Variants in RSPO3 observed in about 807,000 individuals in gnomAD.
RSPO3 encodes the protein R-spondin-3.
RSPO3 carries 17 observed loss-of-function variants against 36.5 expected under a neutral mutation model. The ratio of observed to expected loss-of-function variants is 0.47; its 90% CI spans 0.32 to 0.70. RSPO3 has a LOEUF of 0.70. Among genes scored for constraint, RSPO3 ranks in the 30% least tolerant of loss-of-function variants. The pLI is 0.04. For synonymous variants in RSPO3, 108 were observed against 107.0 expected (o/e 1.01, Z -0.06); for missense variants, 294 against 322.5 (o/e 0.91, Z 0.68).
chr6:127,182,530 A>G (rs190027101), intron 4 of RSPO3, among the ~76,000 whole-genome samples: 1 of 152,030 alleles, frequency 6.6e-6, no homozygotes, highest in East Asian at 1.9e-4. Flanking sequence ...GTTCTTAGAG[A>G]TTGAGTAAGA....
intron 1 of RSPO3, among the ~76,000 whole-genome samples, chr6:127,124,827 T>A (rs1582782982): frequency 6.6e-6 from 1 of 152,066 alleles, no homozygotes; most frequent in African/African-American, 2.4e-5. Context: ...CTGATTAAAG[T>A]AGTCATCCAG....
chr6:127,124,087 T>A (rs966170971), intron 1 of RSPO3, among the ~76,000 whole-genome samples: 2 of 152,108 alleles, frequency 1.3e-5, no homozygotes, highest in African/African-American at 2.4e-5. Context: ...GGCAGAGTAC[T>A]ATGTAGAGTT....
intron 4 of RSPO3, among the ~76,000 whole-genome samples, chr6:127,175,633 CT>C (rs1335302153): frequency 1.3e-5 from 2 of 151,674 alleles, no homozygotes; most frequent in Non-Finnish European, 3.0e-5. Flanking sequence ...AATCCTTTTT[CT>C]CCCTGTCAAC....
chr6:127,133,310 T>C lies in RSPO3; in HGVS notation c.97+14021T>C, dbSNP rs546473688. On this transcript the variant is annotated intron_variant, in intron 1 of 4. Coordinates refer to ENST00000356698, the MANE Select transcript of RSPO3 (RefSeq NM_032784.5). Reference sequence around the variant, plus strand: ...TCCATGGAATATGAAATAGAGACTTTATAAACTTAATTGGAAGATAATCCT... The same window carrying C: ...TCCATGGAATATGAAATAGAGACTTCATAAACTTAATTGGAAGATAATCCT... 5.9e-5 allele frequency among the ~76,000 whole-genome samples: 9 copies of C among 152,246 alleles called. No homozygotes were observed. The East Asian group carries it at 9.6e-4, about 16-fold the overall frequency.
chr6:127,142,769 A>C (rs1433558971), intron 1 of RSPO3, among the ~76,000 whole-genome samples: 1 of 151,770 alleles, frequency 6.6e-6, no homozygotes, highest in Non-Finnish European at 1.5e-5. Flanking sequence ...TAACATTTTT[A>C]TTATTCTTTC....
chr6:127,148,985 C>G, intron 2 of RSPO3, 146 bp downstream of exon 2: 1 of 660,164 alleles, frequency 1.5e-6, no homozygotes, highest in Non-Finnish European at 2.3e-6. Context: ...TTGGACTTAA[C>G]CCTCAGAACC....
At chr6:127,134,984 T>A (rs1283399143) in intron 1 of RSPO3, among the ~76,000 whole-genome samples, 1 of 152,168 alleles carries the variant, frequency 6.6e-6, no homozygotes, top group African/African-American at 2.4e-5. Context: ...AATAGTTATC[T>A]TTGCAACTGA....
At chr6:127,151,805 A>G (rs1774495951) in intron 3 of RSPO3, among the ~76,000 whole-genome samples, 1 of 152,104 alleles carries the variant, frequency 6.6e-6, no homozygotes, top group Admixed American at 6.6e-5. Flanking sequence ...ACTTAGGAAT[A>G]GGGTAAAAAG....
intron 1 of RSPO3, among the ~76,000 whole-genome samples, chr6:127,143,384 T>C (rs1273385179): frequency 1.3e-5 from 2 of 152,150 alleles, no homozygotes; most frequent in African/African-American, 2.4e-5. Flanking sequence ...AGAATTCAGT[T>C]GGTCTCTTCT....
rs188677528 is a variant in RSPO3, at chr6:127,152,920, G to A, written c.437-2321G>A. On this transcript the variant is annotated intron_variant, in intron 3 of 4. Transcript: ENST00000356698. ...GAGAATATATCTCACTTCAAGGACT[G>A]AGTAGCAAGGGACATTCCCTTGCTA... 2.0e-5 allele frequency among the ~76,000 whole-genome samples: 3 copies of A among 152,184 alleles called. No individual in the cohort carries two copies. The East Asian group carries it at 5.8e-4, about 29-fold the overall frequency.
At chr6:127,126,412 T>C (rs1291904503) in intron 1 of RSPO3, among the ~76,000 whole-genome samples, 2 of 152,112 alleles carry the variant, frequency 1.3e-5, no homozygotes, top group Non-Finnish European at 2.9e-5. Context: ...TAAGGTACCT[T>C]GTCTATTTTA....
intron 3 of RSPO3, among the ~76,000 whole-genome samples, chr6:127,152,118 A>G (rs2114586948): frequency 6.6e-6 from 1 of 152,284 alleles, no homozygotes. Flanking sequence ...ATTTGCCTTT[A>G]AAGCTTACTG....
chr6:127,189,375 CATT>C (rs1212505813), intron 4 of RSPO3, among the ~76,000 whole-genome samples: 24 of 151,462 alleles, frequency 1.6e-4, no homozygotes, highest in Non-Finnish European at 2.1e-4. Flanking sequence ...GATCAGTAAA[CATT>C]ATGGTGGGAC....
At position 127,137,827 on chromosome 6, in the gene RSPO3, C is replaced by T. The variant is rs763026908; in HGVS notation, c.98-10821C>T. On this transcript the variant is annotated intron_variant, in intron 1 of 4. Coordinates refer to ENST00000356698, the MANE Select transcript of RSPO3 (RefSeq NM_032784.5). ...ATAATTGCTCCTGCCTTTTAATTTG[C>T]GGCAAAAAGTTTCTAATCTATACAT... Among the ~76,000 whole-genome samples the T allele has an allele frequency of 1.3e-4, 20 of 151,954 alleles. 1 individual carries two copies. Among genetic ancestry groups the T allele is most frequent in the Non-Finnish European group, 2.1e-4 (14 of 68,000 alleles).
chr6:127,178,689 T>C (rs1474083954), intron 4 of RSPO3, among the ~76,000 whole-genome samples: 1 of 151,812 alleles, frequency 6.6e-6, no homozygotes, highest in Non-Finnish European at 1.5e-5. Flanking sequence ...TATATTATAC[T>C]TCAAAAATAT....
chr6:127,141,531 A>G (rs893466770), intron 1 of RSPO3, among the ~76,000 whole-genome samples: 1 of 152,202 alleles, frequency 6.6e-6, no homozygotes, highest in Non-Finnish European at 1.5e-5. Flanking sequence ...TAAGAGAAAA[A>G]GAAAGATTTT....
chr6:127,180,318 T>A (rs973221885), intron 4 of RSPO3, among the ~76,000 whole-genome samples: 2 of 151,298 alleles, frequency 1.3e-5, no homozygotes, highest in African/African-American at 2.4e-5. Context: ...TTCAATAACA[T>A]AACCAAGAGT....
Position 127,197,252 on chromosome 6 carries a change from AT to A in RSPO3, c.*1249del. On this transcript the variant is annotated 3_prime_UTR_variant, in exon 5 of 5. Transcript: ENST00000356698. ...TAGCGTATTAGGAGATATTTATTCC[AT>A]TTTCTTATTTTAATCAACATTCTAA... 1.3e-6 allele frequency: 1 copy of A among 753,970 alleles called. No homozygotes were observed. The highest frequency in any genetic ancestry group is 2.1e-6 in the Non-Finnish European group (1 of 482,470). 46.7% of individuals were successfully genotyped at this position (753,970 alleles called of 1,614,324 possible). A position where few individuals can be genotyped will look rare whatever the true frequency, so the allele number is the denominator to read the frequency against.
At position 127,197,378 on chromosome 6, in the gene RSPO3, A is replaced by T; in HGVS notation, c.*1371A>T. ...TATGTCAGATCCCCCTGCATCTTCA[A>T]CATTTAGTCTTTTCTTCTCCATATT... is the stretch of plus-strand genomic sequence containing the variant. On this transcript the variant is annotated 3_prime_UTR_variant, in exon 5 of 5. Transcript: ENST00000356698. 1 of 1,548,336 alleles carries T rather than the reference A, an allele frequency of 6.5e-7. No individual in the cohort carries two copies. The highest frequency in any genetic ancestry group is 1.2e-5 in the South Asian group (1 of 83,894).
Sources: gnomAD v4.1 joint callset for allele counts (sites outside exome capture counted in the v4.1 genomes callset) on GRCh38, gnomAD v4.1.1 for gene constraint, MANE v1.5 for transcripts, NCBI Gene and HGNC (gene_info 2026-07-23, HGNC 2026-07-21) for gene names.